PCNX3: variants seen among roughly 807,000 people sequenced by gnomAD.
PCNX3 encodes pecanex 3.
Under a neutral mutation model 207.2 loss-of-function variants are expected in PCNX3, and 58 were observed. That is an observed-to-expected ratio of 0.28 (90% CI 0.23 to 0.35). The LOEUF is 0.35. Ranked by LOEUF, PCNX3 falls within the 10% of genes least tolerant of loss-of-function variation. The probability of loss-of-function intolerance (pLI) is 1.00; values close to 1 mark genes in which losing one functional copy is unlikely to be tolerated. For missense variants in PCNX3, 2,410 were observed against 2,774.4 expected (o/e 0.87, Z 2.95); for synonymous variants, 1,337 against 1,183.5 (o/e 1.13, Z -2.66).
At chr11:65,619,150 T>A in intron 6 of PCNX3, 83 bp downstream of exon 6, 1 of 1,139,658 alleles carries the variant, frequency 8.8e-7, no homozygotes, top group Non-Finnish European at 1.2e-6. Context: ...AGAATGGACC[T>A]GGTCAGTGTC....
At chr11:65,629,248 C>T (rs1462563308) in intron 24 of PCNX3, 109 bp from the exon 25 acceptor site, 12 of 1,183,078 alleles carry the variant, frequency 1.0e-5, no homozygotes, top group African/African-American at 6.1e-5. Flanking sequence ...GCCTGCATAA[C>T]GGGGCTGTCC....
In PCNX3 at chr11:65,623,596, C is replaced by G; in HGVS notation, c.2463C>G (p.Val821=). The part of the protein sequence containing the change: ...LLKGFFTDIW[V]FQFCLVIASC... Reference sequence around the variant, plus strand: ...AGGGCTTCTTCACTGACATCTGGGTCTTCCAGTTCTGCCTGGTCATCGCCT... The same window carrying G: ...AGGGCTTCTTCACTGACATCTGGGTGTTCCAGTTCTGCCTGGTCATCGCCT... The change falls in exon 12 of 35, where the codon GTC becomes GTG. Residue 821 remains valine, a synonymous_variant. Coordinates refer to ENST00000355703, the MANE Select transcript of PCNX3 (RefSeq NM_032223.4). 6.2e-7 allele frequency: 1 copy of G among 1,614,030 alleles called. No individual in the cohort carries two copies. Among genetic ancestry groups the G allele is most frequent in the African/African-American group, 1.3e-5 (1 of 75,064 alleles).
chr11:65,630,583 C>G lies in PCNX3; in HGVS notation c.4449C>G (p.Ile1483Met). The G allele has an allele frequency of 6.2e-7, 1 of 1,611,610 alleles. No homozygotes were observed. The highest frequency in any genetic ancestry group is 8.5e-7 in the Non-Finnish European group (1 of 1,178,330). ...TGCAGGTTTTCGACCTCCGCAAGAT[C>G]CTCATCACCTACTATGTCAAGGTAC... The part of the protein sequence containing the change: ...SMLQVFDLRK[I>M]LITYYVKSII... Residue 1483 changes from isoleucine (I) to methionine (M), a missense_variant, in exon 27 of 35, where the codon ATC becomes ATG. Transcript: ENST00000355703.
chr11:65,617,763 A>G (rs1854824328), intron 5 of PCNX3, 57 bp downstream of exon 5: 1 of 1,535,792 alleles, frequency 6.5e-7, no homozygotes, highest in Non-Finnish European at 8.8e-7. Flanking sequence ...TTCGTTGTTG[A>G]ATCCCCTCAA....
In PCNX3 at chr11:65,636,495, C is replaced by G. The variant is rs778294126; in HGVS notation, c.5698C>G (p.Pro1900Ala). Residue 1900 changes from proline (P) to alanine (A), a missense_variant, in exon 34 of 35, where the codon CCT (proline) becomes GCT (alanine). Around this residue, in one of 8 missense-constraint regions of PCNX3, gnomAD observed 278 missense variants for 245.1 expected, o/e 1.13. Coordinates refer to ENST00000355703, the MANE Select transcript of PCNX3 (RefSeq NM_032223.4). ...CCCACCTCTGCTGCAGTGGCCTCCC[C>G]CTCGGCTCCCTGGACCACCCCCTGC... ...RPPPLLQWPP[P>A]RLPGPPPASP... 1.3e-6 allele frequency: 2 copies of G among 1,577,824 alleles called. No homozygotes were observed. The highest frequency in any genetic ancestry group is 1.7e-6 in the Non-Finnish European group (2 of 1,163,700).
At chr11:65,623,788 A>C in intron 12 of PCNX3, 141 bp from the exon 13 acceptor site, 2 of 1,519,300 alleles carry the variant, frequency 1.3e-6, no homozygotes, top group Non-Finnish European at 1.8e-6. Context: ...TTTTACAAGC[A>C]AGAAAACTGA....
In PCNX3 at chr11:65,625,518, G is replaced by A; in HGVS notation, c.3135+8G>A. 6.9e-6 allele frequency: 11 copies of A among 1,596,910 alleles called. No individual in the cohort carries two copies. The highest frequency in any genetic ancestry group is 9.4e-6 in the Non-Finnish European group (11 of 1,175,118). On this transcript the variant is annotated splice_region_variant and intron_variant, in intron 18 of 34. Coordinates refer to ENST00000355703, the MANE Select transcript of PCNX3 (RefSeq NM_032223.4). The surrounding 1 kb of genome is among the most constrained non-coding windows in gnomAD (Gnocchi z 5.6). ...AAGATGCGCCAGTCGGTGGTGAGGGGGCGGGGGGTGGGGGTCTGTGGGGAG... is the reference window on the plus strand; with the variant it reads ...AAGATGCGCCAGTCGGTGGTGAGGGAGCGGGGGGTGGGGGTCTGTGGGGAG...
At position 65,635,440 on chromosome 11, in the gene PCNX3, G is replaced by T; in HGVS notation, c.5176G>T (p.Val1726Phe). ...CAACCGGCGCCACCTCAGCTTCCGA[G>T]TCATCAAGGTTGGGCCGGCCCCACC... ...MLNRRHLSFR[V>F]IKVNRECVRG... Residue 1726 changes from valine to phenylalanine, a missense_variant, in exon 31 of 35, where the codon GTC becomes TTC. Val to Phe is a conservative substitution (Grantham distance 50, BLOSUM62 -1). Transcript: ENST00000355703. The surrounding 1 kb of genome is among the most constrained non-coding windows in gnomAD (Gnocchi z 9.9). 6.2e-7 allele frequency: 1 copy of T among 1,610,496 alleles called. No homozygotes were observed.
At position 65,628,642 on chromosome 11, in the gene PCNX3, G is replaced by C; in HGVS notation, c.3750G>C (p.Ala1250=). The change falls in exon 23 of 35, where the codon GCG becomes GCC. Residue 1250 remains alanine, a synonymous_variant. Transcript: ENST00000355703. ...YKLRFVLTYI[A]PWQITWGSAF... is the part of the protein sequence containing the mutation. The stretch of plus-strand genomic sequence containing the variant: ...TGCGTTTCGTGCTGACCTACATCGC[G>C]CCCTGGCAGATCACCTGGGGCTCGG... 2.5e-6 allele frequency: 4 copies of C among 1,613,484 alleles called. No homozygotes were observed. The South Asian group carries it at 3.3e-5, about 13-fold the overall frequency.
In PCNX3 at chr11:65,636,030, A is replaced by T; in HGVS notation, c.5460-144A>T. On this transcript the variant is annotated intron_variant, in intron 32 of 34. Coordinates refer to ENST00000355703, the MANE Select transcript of PCNX3 (RefSeq NM_032223.4). ...CAACGCACCCTCAAAAGACTCTGCA[A>T]AGTAGGTGGCAGCTTCTTAGAGGGG... 2.2e-6 allele frequency: 3 copies of T among 1,335,100 alleles called. No individual in the cohort carries two copies. In the South Asian group the frequency reaches 4.0e-5, roughly 18 times the overall value. The allele number at this position is 1,335,100 out of a possible 1,614,324, so 82.7% of individuals were successfully genotyped here.
chr11:65,619,502 C>G, intron 6 of PCNX3, 35 bp from the exon 7 acceptor site: 2 of 1,604,310 alleles, frequency 1.2e-6, no homozygotes, highest in Non-Finnish European at 8.5e-7. Context: ...GTCTGAGCAT[C>G]TGTCACTTAC....
intron 20 of PCNX3, 121 bp from the exon 21 acceptor site, chr11:65,626,783 G>A: frequency 2.1e-6 from 3 of 1,435,758 alleles, no homozygotes; most frequent in Non-Finnish European, 2.8e-6. Flanking sequence ...CCACAGATCA[G>A]CCCCTCCCCC....
In PCNX3 at chr11:65,636,575, C is replaced by T. The variant is rs1271932751; in HGVS notation, c.5778C>T (p.Leu1926=). ...CCTCACGGCCCCCTGGCCCGGGTCT[C>T]CTCAGTTCTGAGGGCCCCAGTGGAA... ...PRTSRPPGPG[L]LSSEGPSGKW... Residue 1926 remains leucine (L), a synonymous_variant, in exon 34 of 35, where the codon CTC becomes CTT. Coordinates refer to ENST00000355703, the MANE Select transcript of PCNX3 (RefSeq NM_032223.4). 5 of 1,596,588 alleles carry T rather than the reference C, an allele frequency of 3.1e-6. No individual in the cohort carries two copies. Among genetic ancestry groups the T allele is most frequent in the Admixed American group, 1.8e-5 (1 of 56,260 alleles).
intron 15 of PCNX3, 102 bp from the exon 16 acceptor site, chr11:65,624,823 T>C: frequency 7.9e-7 from 1 of 1,267,528 alleles, no homozygotes; most frequent in Non-Finnish European, 1.1e-6. Context: ...GGGGGTGCCT[T>C]TCCAGGGAGG....
At position 65,627,432 on chromosome 11, in the gene PCNX3, T is replaced by C. The variant is rs1855449007; in HGVS notation, c.3552T>C (p.Ala1184=). The part of the protein sequence containing the change: ...FYCRALLMTV[A]GLKLLRSAFC... ...GCCGGGCGCTGCTGATGACCGTGGC[T>C]GGGCTGAAGCTGCTGCGCTCAGCCT... Residue 1184 remains alanine, a synonymous_variant, in exon 22 of 35, where the codon GCT becomes GCC. Transcript: ENST00000355703. 6.2e-7 allele frequency: 1 copy of C among 1,611,886 alleles called. No homozygotes were observed. Among genetic ancestry groups the C allele is most frequent in the Non-Finnish European group, 8.5e-7 (1 of 1,179,860 alleles).
At chr11:65,620,287 C>T in intron 8 of PCNX3, 52 bp from the exon 9 acceptor site, 2 of 1,555,204 alleles carry the variant, frequency 1.3e-6, no homozygotes, top group Non-Finnish European at 8.8e-7. Context: ...TGAGCCGGGC[C>T]TTGGTGCTTC....
chr11:65,630,806 A>G (rs1445548317), intron 27 of PCNX3, among the ~76,000 whole-genome samples: 1 of 152,226 alleles, frequency 6.6e-6, no homozygotes, highest in Non-Finnish European at 1.5e-5. Context: ...TGGCTCTGAT[A>G]GGTGCCCAGG....
intron 27 of PCNX3, 46 bp from the exon 28 acceptor site, chr11:65,634,080 G>A (rs1377437977): frequency 1.3e-6 from 2 of 1,540,532 alleles, no homozygotes; most frequent in Admixed American, 1.8e-5. Flanking sequence ...CTCCTCCAGT[G>A]GCCAGGGCCG....
intron 20 of PCNX3, chr11:65,626,307 G>C: frequency 1.5e-6 from 1 of 659,512 alleles, no homozygotes; most frequent in Non-Finnish European, 2.8e-6. Flanking sequence ...CTGTCTGTGA[G>C]AAGACGGAAG....
Sources: gnomAD v4.1 joint callset for allele counts (sites outside exome capture counted in the v4.1 genomes callset) on GRCh38, gnomAD v4.1.1 for gene constraint, gnomAD v4.1.1 regional missense constraint, Gnocchi (gnomAD v3.1) non-coding constraint, MANE v1.5 for transcripts, NCBI Gene and HGNC (gene_info 2026-07-23, HGNC 2026-07-21) for gene names.